The following PIK3C2G variants were observed in gnomAD, a reference collection of about 807,000 sequenced individuals.
PIK3C2G encodes phosphatidylinositol 3-kinase C2 domain-containing subunit gamma.
A neutral mutation model predicts 181.1 loss-of-function variants in PIK3C2G; 168 were observed. The ratio of observed to expected loss-of-function variants is 0.93; its 90% CI spans 0.82 to 1.05. PIK3C2G has a LOEUF of 1.05. Among genes scored for constraint, PIK3C2G ranks in the 50% least tolerant of loss-of-function variants. The pLI is 0.00. For missense variants in PIK3C2G, 1,869 were observed against 1,732.8 expected (o/e 1.08, Z -1.40); for synonymous variants, 573 against 592.2 (o/e 0.97, Z 0.47).
chr12:18,516,421 T>C (rs147270808), intron 24 of PIK3C2G, among the ~76,000 whole-genome samples: 92 of 152,198 alleles, frequency 6.0e-4, no homozygotes, highest in African/African-American at 2.1e-3. Flanking sequence ...TTGTCTTTAA[T>C]TTTTGATAAT....
At chr12:18,275,985 T>C (rs1948969532) in intron 1 of PIK3C2G, among the ~76,000 whole-genome samples, 1 of 152,172 alleles carries the variant, frequency 6.6e-6, no homozygotes, top group Admixed American at 6.5e-5. Context: ...TCTAATTCAT[T>C]ACTAAAAGAA....
chr12:18,726,269 C>T, the PIK3C2G span, among the ~76,000 whole-genome samples: 6 of 152,068 alleles, frequency 3.9e-5, no homozygotes, highest in African/African-American at 9.7e-5. Context: ...TAAAATGTTT[C>T]GTATTAATCA....
chr12:18,662,558 A>G, the PIK3C2G span, among the ~76,000 whole-genome samples: 1 of 152,142 alleles, frequency 6.6e-6, no homozygotes, highest in African/African-American at 2.4e-5. Context: ...TACATGAACA[A>G]TTATAAAAAT....
At chr12:18,576,394 C>A (rs1946234304) in intron 29 of PIK3C2G, among the ~76,000 whole-genome samples, 1 of 152,058 alleles carries the variant, frequency 6.6e-6, no homozygotes, top group Non-Finnish European at 1.5e-5. Flanking sequence ...CATGACTGTG[C>A]CCTCCAGAAA....
At chr12:18,580,964 A>G (rs1300775694) in intron 29 of PIK3C2G, among the ~76,000 whole-genome samples, 1 of 152,216 alleles carries the variant, frequency 6.6e-6, no homozygotes, top group Non-Finnish European at 1.5e-5. Flanking sequence ...AGCTGTTTTT[A>G]GAGAAAGAAA....
At position 18,338,550 on chromosome 12, in the gene PIK3C2G, T is replaced by C; in HGVS notation, c.1395+2T>C. 1 of 1,575,534 alleles carries C rather than the reference T, an allele frequency of 6.3e-7. No homozygotes were observed. Among genetic ancestry groups the C allele is most frequent in the Non-Finnish European group, 8.7e-7 (1 of 1,151,580 alleles). On this transcript the variant is annotated splice_donor_variant, in intron 9 of 32. Coordinates refer to ENST00000538779, the MANE Select transcript of PIK3C2G (RefSeq NM_001288772.2). LOFTEE classifies it high-confidence loss of function. ...CTAATTCTTCAGAGAAAAGGAGAGG[T>C]AAGTACATTCATTTATTACACAGTA...
chr12:18,450,534 C>G (rs1235477985), intron 18 of PIK3C2G, among the ~76,000 whole-genome samples: 2 of 152,138 alleles, frequency 1.3e-5, no homozygotes, highest in Non-Finnish European at 2.9e-5. Flanking sequence ...CTGTACATTT[C>G]CTGTTCACTC....
intron 24 of PIK3C2G, among the ~76,000 whole-genome samples, chr12:18,536,499 T>C (rs1336515145): frequency 6.6e-6 from 1 of 152,096 alleles, no homozygotes; most frequent in Non-Finnish European, 1.5e-5. Context: ...AAGCCATGAT[T>C]TGAAACCTGG....
intron 11 of PIK3C2G, among the ~76,000 whole-genome samples, chr12:18,356,722 C>T (rs1378377538): frequency 6.6e-6 from 1 of 152,004 alleles, no homozygotes; most frequent in African/African-American, 2.4e-5. Flanking sequence ...TGGAGTTCGG[C>T]CATCGCTGGC....
intron 29 of PIK3C2G, among the ~76,000 whole-genome samples, chr12:18,592,847 A>G (rs1189392452): frequency 6.6e-6 from 1 of 151,972 alleles, no homozygotes; most frequent in African/African-American, 2.4e-5. Flanking sequence ...AGGAACTAAT[A>G]GAATCCAGGA....
chr12:18,725,437 C>T, the PIK3C2G span, among the ~76,000 whole-genome samples: 1 of 152,004 alleles, frequency 6.6e-6, no homozygotes, highest in African/African-American at 2.4e-5. Flanking sequence ...CACAGGTAGA[C>T]CAGGATTTTT....
chr12:18,274,525 C>T lies in PIK3C2G; in HGVS notation c.-78-7479C>T, dbSNP rs1948892126. On this transcript the variant is annotated intron_variant, in intron 1 of 32. Transcript: ENST00000538779. ...GTAGGGACATGGATGAAGCTGGAAA[C>T]CATCATTCTCAGCAAACTATCGCAA... 2.6e-5 allele frequency among the ~76,000 whole-genome samples: 4 copies of T among 152,042 alleles called. No homozygotes were observed. The South Asian group carries it at 8.3e-4, about 32-fold the overall frequency.
chr12:18,637,261 C>T (rs1207685333), intron 31 of PIK3C2G, among the ~76,000 whole-genome samples: 3 of 152,138 alleles, frequency 2.0e-5, no homozygotes, highest in Non-Finnish European at 4.4e-5. Context: ...ATCCAAGAGT[C>T]TTTCCTCAAG....
chr12:18,308,902 A>G (rs1379000617), intron 5 of PIK3C2G, among the ~76,000 whole-genome samples: 1 of 151,758 alleles, frequency 6.6e-6, no homozygotes, highest in Non-Finnish European at 1.5e-5. Flanking sequence ...GTGTTTAGAA[A>G]TCTTTTAAAT....
chr12:18,647,868 G>GT lies in PIK3C2G; in HGVS notation c.4309-3dup. Reference sequence around the variant, plus strand: ...GATTTATATTTTCATTATTTTCTCCGTTTTTAGGTAGTATATGATGAAGTC... The same window carrying GT: ...GATTTATATTTTCATTATTTTCTCCGTTTTTTAGGTAGTATATGATGAAGTC... On this transcript the variant is annotated splice_region_variant and splice_polypyrimidine_tract_variant and intron_variant, in intron 32 of 32. Transcript: ENST00000538779. 6.8e-7 allele frequency: 1 copy of GT among 1,464,226 alleles called. No individual in the cohort carries two copies. The highest frequency in any genetic ancestry group is 9.2e-7 in the Non-Finnish European group (1 of 1,092,234). The allele number at this position is 1,464,226 out of a possible 1,614,324, so 90.7% of individuals were successfully genotyped here.
intron 16 of PIK3C2G, among the ~76,000 whole-genome samples, chr12:18,420,634 A>G (rs1945428944): frequency 6.6e-6 from 1 of 152,144 alleles, no homozygotes; most frequent in South Asian, 2.1e-4. Context: ...AAAGATTTTC[A>G]TACTACTTTA....
chr12:18,705,927 C>G, the PIK3C2G span, among the ~76,000 whole-genome samples: 1 of 147,070 alleles, frequency 6.8e-6, no homozygotes, highest in African/African-American at 2.5e-5. Context: ...ATGATATAGA[C>G]CAATTAAGAA....
At chr12:18,658,118 G>A in the PIK3C2G span, among the ~76,000 whole-genome samples, 11,319 of 152,164 alleles carry the variant, frequency 0.074, 477 homozygotes, top group Middle Eastern at 0.16. Context: ...TAGCAAACTT[G>A]AAAGTAAGTT....
intron 5 of PIK3C2G, among the ~76,000 whole-genome samples, chr12:18,312,282 G>A (rs35846802): frequency 0.52 from 79,230 of 151,986 alleles, 21,135 homozygotes; most frequent in East Asian, 0.74. Context: ...AAGTATACAC[G>A]CAGGTGGATA....
Sources: allele counts gnomAD v4.1 joint callset (sites outside exome capture counted in the v4.1 genomes callset), GRCh38; gene constraint gnomAD v4.1.1; transcripts MANE v1.5; gene names NCBI Gene and HGNC (gene_info 2026-07-23, HGNC 2026-07-21).